The following PREX2 variants were observed in gnomAD, a reference collection of about 807,000 sequenced individuals.
PREX2 encodes phosphatidylinositol-3,4,5-trisphosphate dependent Rac exchange factor 2.
PREX2 carries 107 observed loss-of-function variants against 203.2 expected under a neutral mutation model. The observed-to-expected ratio is 0.53, with a 90% CI of 0.45 to 0.62. PREX2 has a LOEUF of 0.62. PREX2 is among the 20% of genes least tolerant of loss of function. The pLI, the probability that PREX2 is intolerant of heterozygous loss-of-function variation, is 0.00. For synonymous variants in PREX2, 672 were observed against 663.6 expected (o/e 1.01, Z -0.19); for missense variants, 1,777 against 1,955.9 (o/e 0.91, Z 1.72).
At chr8:67,967,986 A>G (rs1011519662) in intron 1 of PREX2, among the ~76,000 whole-genome samples, 1 of 151,826 alleles carries the variant, frequency 6.6e-6, no homozygotes, top group Non-Finnish European at 1.5e-5. Flanking sequence ...TGACGAGTTA[A>G]TGGATGCAGC....
chr8:68,218,121 G>A (rs1163676870), intron 38 of PREX2, among the ~76,000 whole-genome samples: 1 of 152,188 alleles, frequency 6.6e-6, no homozygotes, highest in Non-Finnish European at 1.5e-5. Flanking sequence ...GGGTCCTGCT[G>A]GTTCCTGGTG....
intron 1 of PREX2, among the ~76,000 whole-genome samples, chr8:67,961,246 A>G (rs1046149215): frequency 6.6e-6 from 1 of 152,020 alleles, no homozygotes; most frequent in Non-Finnish European, 1.5e-5. Flanking sequence ...TGACCTAAAA[A>G]TAATTGTTTT....
At chr8:68,005,472 C>G (rs562885754) in intron 1 of PREX2, among the ~76,000 whole-genome samples, 7 of 152,304 alleles carry the variant, frequency 4.6e-5, no homozygotes, top group African/African-American at 1.7e-4. Context: ...TCTCCACTGC[C>G]ATCACCCAGG....
At chr8:68,002,512 T>C (rs1461988490) in intron 1 of PREX2, among the ~76,000 whole-genome samples, 2 of 152,224 alleles carry the variant, frequency 1.3e-5, no homozygotes, top group African/African-American at 2.4e-5. Flanking sequence ...TGATTGTCCC[T>C]GTAGTTCTTT....
Position 68,231,896 on chromosome 8 carries a change from AAG to A in PREX2, c.*524_*525del, listed in dbSNP as rs1405278613. The stretch of plus-strand genomic sequence containing the variant: ...TATACATTTTCAGTCCCCCATTTGC[AAG>A]AGAGAAAGTCATTAATGTGTAAAAG... On this transcript the variant is annotated 3_prime_UTR_variant, in exon 40 of 40. Coordinates refer to ENST00000288368, the MANE Select transcript of PREX2 (RefSeq NM_024870.4). The A allele has an allele frequency of 6.5e-6, 1 of 153,006 alleles. No individual in the cohort carries two copies. The highest frequency in any genetic ancestry group is 1.5e-5 in the Non-Finnish European group (1 of 68,528). 9.5% of individuals were successfully genotyped at this position (153,006 alleles called of 1,614,324 possible).
chr8:68,009,878 C>G (rs931636933), intron 1 of PREX2, among the ~76,000 whole-genome samples: 3 of 152,184 alleles, frequency 2.0e-5, no homozygotes, highest in African/African-American at 7.2e-5. Flanking sequence ...CTTTTCTGAA[C>G]CTGGCTTTTC....
intron 35 of PREX2, among the ~76,000 whole-genome samples, chr8:68,168,546 C>T (rs796644758): frequency 2.0e-5 from 3 of 152,260 alleles, no homozygotes; most frequent in African/African-American, 7.2e-5. Context: ...TGCTGTATAT[C>T]CTCCTTGTTG....
chr8:68,010,073 C>A (rs1807216944), intron 1 of PREX2, among the ~76,000 whole-genome samples: 1 of 152,192 alleles, frequency 6.6e-6, no homozygotes, highest in Admixed American at 6.5e-5. Context: ...ACATAGACAA[C>A]AATCCCTATT....
intron 35 of PREX2, among the ~76,000 whole-genome samples, chr8:68,163,182 G>T (rs2129614039): frequency 6.6e-6 from 1 of 152,244 alleles, no homozygotes; most frequent in African/African-American, 2.4e-5. Flanking sequence ...CAAAAATACA[G>T]GCAGTCATAA....
chr8:68,226,068 G>A (rs920613024), intron 39 of PREX2, among the ~76,000 whole-genome samples: 3 of 151,914 alleles, frequency 2.0e-5, no homozygotes, highest in African/African-American at 4.8e-5. Flanking sequence ...AAAAACACTC[G>A]AAACGAAACG....
intron 34 of PREX2, among the ~76,000 whole-genome samples, chr8:68,153,853 T>C (rs1811490790): frequency 6.6e-6 from 1 of 152,242 alleles, no homozygotes; most frequent in South Asian, 2.1e-4. Flanking sequence ...AAAAATGTTA[T>C]GTGATTGTGA....
At chr8:68,117,217 G>A (rs527908773) in intron 26 of PREX2, among the ~76,000 whole-genome samples, 4 of 152,112 alleles carry the variant, frequency 2.6e-5, no homozygotes, top group African/African-American at 4.8e-5. Flanking sequence ...AATCCTCACC[G>A]CAAGCCTCGG....
intron 20 of PREX2, among the ~76,000 whole-genome samples, chr8:68,091,618 G>A (rs907418916): frequency 2.6e-5 from 4 of 152,162 alleles, no homozygotes; most frequent in African/African-American, 9.7e-5. Flanking sequence ...GAGAAGGTCA[G>A]ACCTAGCATA....
intron 31 of PREX2, among the ~76,000 whole-genome samples, chr8:68,133,042 TA>T (rs1470449904): frequency 1.3e-5 from 2 of 152,136 alleles, no homozygotes; most frequent in Non-Finnish European, 2.9e-5. Context: ...GAAAGAAGTT[TA>T]ATTGACTCAC....
At chr8:68,139,665 C>T (rs772135996) in intron 33 of PREX2, among the ~76,000 whole-genome samples, 8 of 151,994 alleles carry the variant, frequency 5.3e-5, no homozygotes, top group Non-Finnish European at 8.8e-5. Context: ...GGTGACTTGG[C>T]CTGGAGGGTA....
rs1422659204 is a variant in PREX2 at position 68,134,105 on chromosome 8, T to C, written c.3813T>C (p.Leu1271=). Residue 1271 remains leucine, a synonymous_variant, in exon 32 of 40, where the codon CTT becomes CTC. Coordinates refer to ENST00000288368, the MANE Select transcript of PREX2 (RefSeq NM_024870.4). Reference sequence around the variant, plus strand: ...GAGACATGGTTTTCTGCCAGACTCTTGTGGCCACTGTCTGTGCCTTCTCTG... The same window carrying C: ...GAGACATGGTTTTCTGCCAGACTCTCGTGGCCACTGTCTGTGCCTTCTCTG... ...LRRDMVFCQT[L]VATVCAFSEQ... is the part of the protein sequence containing the mutation. 1 of 1,614,068 alleles carries C rather than the reference T, an allele frequency of 6.2e-7. No individual in the cohort carries two copies. The highest frequency in any genetic ancestry group is 8.5e-7 in the Non-Finnish European group (1 of 1,180,014).
At chr8:68,036,521 G>T (rs1808035670) in intron 6 of PREX2, among the ~76,000 whole-genome samples, 1 of 152,036 alleles carries the variant, frequency 6.6e-6, no homozygotes, top group Non-Finnish European at 1.5e-5. Context: ...GGGCTATTCT[G>T]TACATTTTGT....
intron 1 of PREX2, among the ~76,000 whole-genome samples, chr8:67,997,134 A>G (rs914262495): frequency 1.3e-5 from 2 of 152,160 alleles, no homozygotes; most frequent in Non-Finnish European, 2.9e-5. Context: ...ATGAGCTCCT[A>G]ATTGTGGTTT....
At chr8:68,173,129 A>C (rs1329166789) in intron 35 of PREX2, among the ~76,000 whole-genome samples, 1 of 152,214 alleles carries the variant, frequency 6.6e-6, no homozygotes, top group African/African-American at 2.4e-5. Context: ...CTTGGTACAA[A>C]GTTAGTACCA....
Sources: allele counts gnomAD v4.1 joint callset (sites outside exome capture counted in the v4.1 genomes callset), GRCh38; gene constraint gnomAD v4.1.1; transcripts MANE v1.5; gene names NCBI Gene and HGNC (gene_info 2026-07-23, HGNC 2026-07-21).